TRAPPC9: variants seen among roughly 807,000 people sequenced by gnomAD.
The protein encoded by TRAPPC9 is IKK2 binding protein.
TRAPPC9 carries 83 observed loss-of-function variants against 124.0 expected under a neutral mutation model. The observed-to-expected ratio is 0.67, with a 90% CI of 0.56 to 0.80. The LOEUF is 0.80. TRAPPC9 is among the 30% of genes least tolerant of loss of function. The probability of loss-of-function intolerance (pLI) is 0.00; values close to 1 mark genes in which losing one functional copy is unlikely to be tolerated. For missense variants in TRAPPC9, 1,302 were observed against 1,508.3 expected, an observed-to-expected ratio of 0.86 and a Z score of 2.27; for synonymous variants, 638 against 617.5, an observed-to-expected ratio of 1.03 and a Z score of -0.49.
At chr8:140,213,258 T>G (rs2063108661) in intron 17 of TRAPPC9, among the ~76,000 whole-genome samples, 1 of 152,186 alleles carries the variant, frequency 6.6e-6, no homozygotes, top group Non-Finnish European at 1.5e-5. Context: ...TGTCTATATC[T>G]GTGTGTAAGC....
At chr8:140,152,778 AC>A (rs2061567925) in intron 17 of TRAPPC9, among the ~76,000 whole-genome samples, 1 of 152,150 alleles carries the variant, frequency 6.6e-6, no homozygotes, top group African/African-American at 2.4e-5. Context: ...TGGTCAGTTT[AC>A]AAGTCTTGCA....
intron 7 of TRAPPC9, among the ~76,000 whole-genome samples, chr8:140,388,263 G>A (rs1221103560): frequency 4.7e-5 from 7 of 147,870 alleles, no homozygotes; most frequent in Admixed American, 3.4e-4. Flanking sequence ...AGCATTAGGA[G>A]ACATACCTAA....
chr8:139,855,077 G>A (rs888753134), intron 21 of TRAPPC9, among the ~76,000 whole-genome samples: 3 of 152,178 alleles, frequency 2.0e-5, no homozygotes, highest in Admixed American at 6.5e-5. Flanking sequence ...TCTGAGAGGC[G>A]GGAGACGCTG....
intron 16 of TRAPPC9, among the ~76,000 whole-genome samples, chr8:140,237,986 CGAT>C (rs1416400388): frequency 1.3e-5 from 2 of 152,214 alleles, no homozygotes; most frequent in Non-Finnish European, 2.9e-5. Flanking sequence ...GTGATCAACA[CGAT>C]GAGCTAACAG....
At chr8:139,845,802 G>A (rs1457435171) in intron 21 of TRAPPC9, among the ~76,000 whole-genome samples, 4 of 152,206 alleles carry the variant, frequency 2.6e-5, no homozygotes, top group East Asian at 3.9e-4. Flanking sequence ...ACTATTACTC[G>A]GGGGTTTCTG....
chr8:140,126,338 G>A (rs574597404), intron 17 of TRAPPC9, among the ~76,000 whole-genome samples: 2 of 146,618 alleles, frequency 1.4e-5, no homozygotes, highest in South Asian at 2.2e-4. Flanking sequence ...AGAGGAAAAC[G>A]ACAGGTCCAT....
chr8:139,899,111 A>C (rs1381332900), intron 20 of TRAPPC9, among the ~76,000 whole-genome samples: 1 of 90,092 alleles, frequency 1.1e-5, no homozygotes, highest in East Asian at 3.3e-4. Context: ...CAAGAACAAA[A>C]CTCCGTCTCA....
At chr8:139,988,858 G>A (rs1478468674) in intron 18 of TRAPPC9, 22 bp from the exon 19 acceptor site, 2 of 1,470,402 alleles carry the variant, frequency 1.4e-6, no homozygotes, top group South Asian at 2.4e-5. Flanking sequence ...AAAAAAGAAA[G>A]TTCAGAATCC....
chr8:140,137,368 G>T (rs1056249449), intron 17 of TRAPPC9, among the ~76,000 whole-genome samples: 1 of 150,970 alleles, frequency 6.6e-6, no homozygotes, highest in Non-Finnish European at 1.5e-5. Flanking sequence ...GTAAGTGCTG[G>T]ATCTCATCAT....
At chr8:140,024,903 C>T (rs1407247420) in intron 17 of TRAPPC9, among the ~76,000 whole-genome samples, 1 of 152,210 alleles carries the variant, frequency 6.6e-6, no homozygotes, top group Non-Finnish European at 1.5e-5. Flanking sequence ...ACAAACTCCA[C>T]ACTCAGGATG....
At chr8:139,923,808 G>A (rs757078322) in intron 19 of TRAPPC9, among the ~76,000 whole-genome samples, 2 of 152,198 alleles carry the variant, frequency 1.3e-5, no homozygotes, top group Non-Finnish European at 2.9e-5. Context: ...GAGCTGACTG[G>A]TTTTAAGGCA....
intron 19 of TRAPPC9, among the ~76,000 whole-genome samples, chr8:139,967,027 T>C (rs1835750517): frequency 6.6e-6 from 1 of 152,166 alleles, no homozygotes; most frequent in African/African-American, 2.4e-5. Flanking sequence ...ATAAGCATGG[T>C]AGTTTGTCTT....
rs1411052455 is a variant in TRAPPC9 at position 140,117,726 on chromosome 8, G to GA, written c.2557-93648dup. ...CAGCTTTTATTTAGTGCTGAGCAGT[G>GA]AAAAAAATAAACATAGGAAGTGAGT... On this transcript the variant is annotated intron_variant, in intron 17 of 22. Coordinates refer to ENST00000438773, the MANE Select transcript of TRAPPC9 (RefSeq NM_001160372.4). Among the ~76,000 whole-genome samples the GA allele has an allele frequency of 1.1e-4, 17 of 152,180 alleles. No individual in the cohort carries two copies. The South Asian group carries it at 3.3e-3, about 30-fold the overall frequency.
intron 17 of TRAPPC9, among the ~76,000 whole-genome samples, chr8:140,152,474 C>A (rs1205265601): frequency 6.6e-6 from 1 of 150,472 alleles, no homozygotes; most frequent in Admixed American, 6.6e-5. Context: ...CATTCTCCTG[C>A]CTCAGCCTCC....
chr8:140,444,334 C>T (rs2071159932), intron 2 of TRAPPC9, among the ~76,000 whole-genome samples: 1 of 152,100 alleles, frequency 6.6e-6, no homozygotes, highest in Non-Finnish European at 1.5e-5. Flanking sequence ...AACAGTCCCT[C>T]CCCCAATTCC....
At chr8:140,296,941 G>T (rs982473001) in intron 11 of TRAPPC9, among the ~76,000 whole-genome samples, 1 of 152,354 alleles carries the variant, frequency 6.6e-6, no homozygotes, top group East Asian at 1.9e-4. Flanking sequence ...CTGAGCACTC[G>T]TAGGACAGCA....
At chr8:140,086,208 C>T (rs545215902) in intron 17 of TRAPPC9, among the ~76,000 whole-genome samples, 1 of 151,992 alleles carries the variant, frequency 6.6e-6, no homozygotes, top group South Asian at 2.1e-4. Context: ...TGTGCTACCA[C>T]AAAGAAAGTA....
intron 17 of TRAPPC9, among the ~76,000 whole-genome samples, chr8:140,130,309 T>C (rs2061183419): frequency 2.0e-5 from 3 of 152,172 alleles, no homozygotes; most frequent in Admixed American, 2.0e-4. Flanking sequence ...TCAGAGTAAC[T>C]TCACAGTGGA....
At chr8:140,272,370 G>GT (rs1563904376) in intron 15 of TRAPPC9, among the ~76,000 whole-genome samples, 8 of 81,466 alleles carry the variant, frequency 9.8e-5, no homozygotes, top group African/African-American at 3.3e-4. Context: ...GTGGTAGTGA[G>GT]GGTGGTGGTG....
Sources: allele counts gnomAD v4.1 joint callset (sites outside exome capture counted in the v4.1 genomes callset), GRCh38; gene constraint gnomAD v4.1.1; transcripts MANE v1.5; gene names NCBI Gene and HGNC (gene_info 2026-07-23, HGNC 2026-07-21).